PRKG2: variants seen among roughly 807,000 people sequenced by gnomAD.
PRKG2 encodes cGMP-dependent protein kinase 2.
Under a neutral mutation model 97.2 loss-of-function variants are expected in PRKG2, and 33 were observed. The observed-to-expected ratio is 0.34, with a 90% CI of 0.26 to 0.45. PRKG2 has a LOEUF of 0.45. Ranked by LOEUF, PRKG2 falls within the 20% of genes least tolerant of loss-of-function variation. The pLI is 1.00. For synonymous variants in PRKG2, 330 were observed against 321.8 expected, an observed-to-expected ratio of 1.03 and a Z score of -0.27; for missense variants, 638 against 900.0, an observed-to-expected ratio of 0.71 and a Z score of 3.73.
chr4:81,093,716 T>C (rs1333008798), intron 17 of PRKG2, among the ~76,000 whole-genome samples: 1 of 151,316 alleles, frequency 6.6e-6, no homozygotes, highest in Non-Finnish European at 1.5e-5. Flanking sequence ...TCTTTCATCA[T>C]TGCTTATGCA....
chr4:81,106,644 T>C (rs372516097), intron 15 of PRKG2, among the ~76,000 whole-genome samples: 1 of 152,226 alleles, frequency 6.6e-6, no homozygotes, highest in Admixed American at 6.5e-5. Context: ...TAGTGAGATA[T>C]GGCTGGATTC....
intron 4 of PRKG2, among the ~76,000 whole-genome samples, chr4:81,170,811 G>A (rs2110082401): frequency 6.6e-6 from 1 of 151,938 alleles, no homozygotes; most frequent in Non-Finnish European, 1.5e-5. Flanking sequence ...CATTTTCATT[G>A]GTTTAATTAA....
intron 18 of PRKG2, 36 bp downstream of exon 18, chr4:81,092,350 G>GA (rs1281069979): frequency 2.1e-6 from 3 of 1,399,554 alleles, no homozygotes; most frequent in Non-Finnish European, 2.9e-6. Context: ...AAATCCCTGG[G>GA]AAAAAAATAA....
chr4:81,131,217 T>C (rs576424788), intron 14 of PRKG2, among the ~76,000 whole-genome samples: 1 of 149,378 alleles, frequency 6.7e-6, no homozygotes, highest in Non-Finnish European at 1.5e-5. Flanking sequence ...CAGTCCCTCA[T>C]GGCTTCCCTT....
chr4:81,126,077 G>T (rs1426802530), intron 14 of PRKG2, among the ~76,000 whole-genome samples: 4 of 152,114 alleles, frequency 2.6e-5, no homozygotes, highest in Non-Finnish European at 5.9e-5. Flanking sequence ...CCCTCCCTGG[G>T]TCCATGTGCT....
chr4:81,148,988 A>G (rs897621467), intron 8 of PRKG2, 36 bp from the exon 9 acceptor site: 1 of 1,586,838 alleles, frequency 6.3e-7, no homozygotes, highest in African/African-American at 1.3e-5. Context: ...TTTTCACTAT[A>G]ATTAGAAATT....
At chr4:81,120,177 C>T (rs1457771080) in intron 14 of PRKG2, among the ~76,000 whole-genome samples, 2 of 152,192 alleles carry the variant, frequency 1.3e-5, no homozygotes, top group Non-Finnish European at 2.9e-5. Flanking sequence ...TCATACGCTG[C>T]TGAATGTTCA....
chr4:81,122,866 C>T (rs573499511), intron 14 of PRKG2, among the ~76,000 whole-genome samples: 5 of 152,304 alleles, frequency 3.3e-5, no homozygotes, highest in Non-Finnish European at 7.4e-5. Flanking sequence ...TGCCACAGGG[C>T]GCACCCCACC....
At chr4:81,093,197 A>G (rs886293806) in intron 17 of PRKG2, among the ~76,000 whole-genome samples, 1 of 151,762 alleles carries the variant, frequency 6.6e-6, no homozygotes, top group Non-Finnish European at 1.5e-5. Context: ...CTCCTAACCA[A>G]CTAGGGTTGT....
At chr4:81,189,063 T>TAAAAAAAAAAA (rs1401411435) in intron 2 of PRKG2, among the ~76,000 whole-genome samples, 25 of 6,390 alleles carry the variant, frequency 3.9e-3, no homozygotes, top group Non-Finnish European at 5.8e-3. Context: ...TTAAAAAAAA[T>TAAAAAAAAAAA]AATAAAAAAA....
chr4:81,181,432 A>G (rs1196372106), intron 2 of PRKG2, among the ~76,000 whole-genome samples: 1 of 151,686 alleles, frequency 6.6e-6, no homozygotes, highest in Non-Finnish European at 1.5e-5. Flanking sequence ...AATAAAATAA[A>G]TATTATAAAT....
At chr4:81,107,182 G>C (rs1178189139) in intron 15 of PRKG2, among the ~76,000 whole-genome samples, 1 of 152,262 alleles carries the variant, frequency 6.6e-6, no homozygotes, top group East Asian at 1.9e-4. Flanking sequence ...CGGGTTATGG[G>C]GAAGGGAATC....
intron 2 of PRKG2, among the ~76,000 whole-genome samples, chr4:81,196,609 C>T (rs1752973894): frequency 6.6e-6 from 1 of 152,098 alleles, no homozygotes; most frequent in East Asian, 1.9e-4. Flanking sequence ...ATTTAAACAC[C>T]TGCTTGAAAT....
At chr4:81,183,824 T>C (rs1751638510) in intron 2 of PRKG2, among the ~76,000 whole-genome samples, 1 of 152,018 alleles carries the variant, frequency 6.6e-6, no homozygotes, top group Non-Finnish European at 1.5e-5. Flanking sequence ...GTGTCTGCCA[T>C]TATTAAGGCT....
intron 2 of PRKG2, among the ~76,000 whole-genome samples, chr4:81,179,988 C>T (rs1751268298): frequency 6.6e-6 from 1 of 151,998 alleles, no homozygotes; most frequent in Non-Finnish European, 1.5e-5. Flanking sequence ...CAAAAATTAG[C>T]CAGGCATGGT....
At chr4:81,180,321 C>T (rs531884533) in intron 2 of PRKG2, among the ~76,000 whole-genome samples, 68 of 151,576 alleles carry the variant, frequency 4.5e-4, no homozygotes, top group Non-Finnish European at 8.2e-4. Context: ...ACCAAATACC[C>T]CAATTAAAAG....
intron 2 of PRKG2, among the ~76,000 whole-genome samples, chr4:81,187,550 C>A (rs1051942129): frequency 6.6e-6 from 1 of 152,106 alleles, no homozygotes; most frequent in Admixed American, 6.6e-5. Flanking sequence ...CCTTTAAAAT[C>A]TGGTACAAGT....
chr4:81,182,458 T>C (rs1751498909), intron 2 of PRKG2, among the ~76,000 whole-genome samples: 1 of 151,986 alleles, frequency 6.6e-6, no homozygotes, highest in African/African-American at 2.4e-5. Context: ...TCATATTATA[T>C]CGTGAAACAT....
chr4:81,171,851 C>T (rs751639924), intron 3 of PRKG2, 47 bp from the exon 4 acceptor site: 16 of 1,259,262 alleles, frequency 1.3e-5, no homozygotes, highest in East Asian at 2.3e-5. Flanking sequence ...AATCGAAATC[C>T]GTGTAGATAC....
Sources: allele counts gnomAD v4.1 joint callset (sites outside exome capture counted in the v4.1 genomes callset), GRCh38; gene constraint gnomAD v4.1.1; transcripts MANE v1.5; gene names NCBI Gene and HGNC (gene_info 2026-07-23, HGNC 2026-07-21).